The following PLEKHD1 variants were observed in gnomAD, a reference collection of about 807,000 sequenced individuals.
The protein encoded by PLEKHD1 is pleckstrin homology and coiled-coil domain containing D1, also known as pleckstrin homology domain-containing family D member 1.
A neutral mutation model predicts 69.2 loss-of-function variants in PLEKHD1; 51 were observed. That is an observed-to-expected ratio of 0.74 (90% confidence interval 0.59 to 0.93). The LOEUF is 0.93. Ranked by LOEUF, PLEKHD1 falls within the 40% of genes least tolerant of loss-of-function variation. The probability of loss-of-function intolerance (pLI) is 0.00; values close to 1 mark genes in which losing one functional copy is unlikely to be tolerated. For synonymous variants in PLEKHD1, 236 were observed against 244.7 expected (o/e 0.96, Z 0.33); for missense variants, 584 against 641.0 (o/e 0.91, Z 0.96).
Position 69,484,811 on chromosome 14 carries a change from C to A in PLEKHD1, c.-155C>A. The A allele has an allele frequency of 1.2e-6, 1 of 865,864 alleles. No homozygotes were observed. The highest frequency in any genetic ancestry group is 1.7e-6 in the Non-Finnish European group (1 of 582,448). 53.6% of individuals were successfully genotyped at this position (865,864 alleles called of 1,614,324 possible). ...GCCCCCTTGGTGCCGCGTCCAGTGC[C>A]CAGCGCGCTTTGATGCTGCAGCTCC... is the stretch of plus-strand genomic sequence containing the variant. On this transcript the variant is annotated 5_prime_UTR_variant, in exon 1 of 13. Transcript: ENST00000322564.
At chr14:69,523,355 C>T (rs539179667) in intron 7 of PLEKHD1, among the ~76,000 whole-genome samples, 2 of 152,296 alleles carry the variant, frequency 1.3e-5, no homozygotes, top group East Asian at 1.9e-4. Context: ...ATTATCATCA[C>T]CACACATGAT....
At chr14:69,498,653 CTTCTCTTCTT>C (rs1314391342) in intron 1 of PLEKHD1, among the ~76,000 whole-genome samples, 2,063 of 138,406 alleles carry the variant, frequency 0.015, 19 homozygotes, top group African/African-American at 0.027. Flanking sequence ...CTTCTCTTCT[CTTCTCTTCTT>C]TGAGATGGAG....
chr14:69,516,801 C>T (rs955210599), intron 6 of PLEKHD1, among the ~76,000 whole-genome samples: 52 of 152,184 alleles, frequency 3.4e-4, no homozygotes, highest in Admixed American at 3.4e-3. Context: ...TTCCAAGTAG[C>T]TGAGACCACA....
In PLEKHD1 at chr14:69,528,485, G is replaced by A. The variant is rs529359621; in HGVS notation, c.*66G>A. On this transcript the variant is annotated 3_prime_UTR_variant, in exon 13 of 13. Coordinates refer to ENST00000322564, the MANE Select transcript of PLEKHD1 (RefSeq NM_001161498.2). ...GCGGGGGAGGGGAAGGGGTGGCAGA[G>A]GGAGGCCTCACTCTACCAGCTCCTG... is the stretch of plus-strand genomic sequence containing the variant. The A allele has an allele frequency of 1.0e-4, 156 of 1,506,720 alleles. No individual in the cohort carries two copies. Among genetic ancestry groups the A allele is most frequent in the African/African-American group, 8.8e-4 (64 of 72,466 alleles). The allele number at this position is 1,506,720 out of a possible 1,614,324, so 93.3% of individuals were successfully genotyped here.
rs559402242 is a variant in PLEKHD1 at position 69,523,019 on chromosome 14, G to A, written c.650+642G>A. On this transcript the variant is annotated intron_variant, in intron 7 of 12. Coordinates refer to ENST00000322564, the MANE Select transcript of PLEKHD1 (RefSeq NM_001161498.2). Reference sequence around the variant, plus strand: ...CACGATCTCGGCTCACTGCAGCCCCGCCTCCTGGGTTCAAGTGATTCTTGT... The same window carrying A: ...CACGATCTCGGCTCACTGCAGCCCCACCTCCTGGGTTCAAGTGATTCTTGT... 7.2e-5 allele frequency among the ~76,000 whole-genome samples: 11 copies of A among 152,120 alleles called. No individual in the cohort carries two copies. The South Asian group carries it at 1.0e-3, about 14-fold the overall frequency.
chr14:69,506,366 T>C (rs898867964), intron 6 of PLEKHD1, among the ~76,000 whole-genome samples: 1 of 152,162 alleles, frequency 6.6e-6, no homozygotes, highest in Non-Finnish European at 1.5e-5. Flanking sequence ...CAGTCTATAA[T>C]GGGGCTGCTA....
intron 6 of PLEKHD1, among the ~76,000 whole-genome samples, chr14:69,512,934 A>G (rs1207410787): frequency 2.6e-5 from 4 of 151,948 alleles, no homozygotes; most frequent in Non-Finnish European, 5.9e-5. Flanking sequence ...AAGAAAAAAG[A>G]AAAAAATTCA....
At chr14:69,507,092 G>A (rs1015031533) in intron 6 of PLEKHD1, among the ~76,000 whole-genome samples, 4 of 151,840 alleles carry the variant, frequency 2.6e-5, no homozygotes, top group Admixed American at 6.6e-5. Context: ...GGGCTTCACC[G>A]TGTTAGCCAG....
At chr14:69,488,865 G>T (rs1164078034) in intron 1 of PLEKHD1, among the ~76,000 whole-genome samples, 2 of 152,180 alleles carry the variant, frequency 1.3e-5, no homozygotes, top group Admixed American at 1.3e-4. Flanking sequence ...GCAGGGGGAA[G>T]GTGCCTTTTC....
chr14:69,490,406 C>T (rs1283180688), intron 1 of PLEKHD1, among the ~76,000 whole-genome samples: 1 of 152,216 alleles, frequency 6.6e-6, no homozygotes, highest in Non-Finnish European at 1.5e-5. Flanking sequence ...GTAATGCCAG[C>T]CACGGGGAGA....
chr14:69,490,323 A>G (rs893666648), intron 1 of PLEKHD1, among the ~76,000 whole-genome samples: 1 of 152,302 alleles, frequency 6.6e-6, no homozygotes, highest in African/African-American at 2.4e-5. Context: ...GCCATGCACA[A>G]TTTACAAAAG....
At chr14:69,490,027 C>A (rs544519720) in intron 1 of PLEKHD1, among the ~76,000 whole-genome samples, 1 of 152,046 alleles carries the variant, frequency 6.6e-6, no homozygotes, top group Non-Finnish European at 1.5e-5. Context: ...CCACCATGCC[C>A]GGCTAATTTT....
the PLEKHD1 span, among the ~76,000 whole-genome samples, chr14:69,472,859 A>G: frequency 6.6e-6 from 1 of 152,174 alleles, no homozygotes; most frequent in Non-Finnish European, 1.5e-5. Context: ...GCAGGAGGTG[A>G]GCGGCAGGTG....
chr14:69,506,128 G>A lies in PLEKHD1; in HGVS notation c.555+3249G>A, dbSNP rs1264793230. 2.6e-5 allele frequency among the ~76,000 whole-genome samples: 4 copies of A among 152,224 alleles called. No individual in the cohort carries two copies. In the East Asian group the frequency reaches 5.8e-4, roughly 22 times the overall value. ...CTGAAGCTCTTTGTCAACCTTTTTG[G>A]TGGACATTGTTCCTGGTTCTGTGAC... On this transcript the variant is annotated intron_variant, in intron 6 of 12. Transcript: ENST00000322564.
intron 6 of PLEKHD1, among the ~76,000 whole-genome samples, chr14:69,516,175 C>T (rs2139521910): frequency 6.6e-6 from 1 of 152,342 alleles, no homozygotes; most frequent in Middle Eastern, 3.4e-3. Flanking sequence ...AAATTCCTTA[C>T]ATGCTGAACT....
Position 69,528,369 on chromosome 14 carries a change from A to T in PLEKHD1, c.1471A>T (p.Met491Leu), listed in dbSNP as rs1339747903. 2 of 1,551,426 alleles carry T rather than the reference A, an allele frequency of 1.3e-6. No individual in the cohort carries two copies. The highest frequency in any genetic ancestry group is 2.7e-5 in the African/African-American group (2 of 73,036). ...QRFRESIYHI[M>L]ATQPGAPSAL... Reference sequence around the variant, plus strand: ...CTTCCGGGAATCCATCTACCACATCATGGCCACCCAGCCTGGAGCCCCCTC... The same window carrying T: ...CTTCCGGGAATCCATCTACCACATCTTGGCCACCCAGCCTGGAGCCCCCTC... Residue 491 changes from methionine to leucine, a missense_variant, in exon 13 of 13, where the codon ATG becomes TTG. Met to Leu is a conservative substitution (Grantham distance 15). Transcript: ENST00000322564.
At chr14:69,482,610 C>G (rs1204641325), upstream of PLEKHD1, among the ~76,000 whole-genome samples, 1 of 152,216 alleles carries the variant, frequency 6.6e-6, no homozygotes, top group East Asian at 1.9e-4. Flanking sequence ...CAGGAGCACA[C>G]AGCTGTCACC....
chr14:69,515,557 C>T (rs1227110044), intron 6 of PLEKHD1, among the ~76,000 whole-genome samples: 2 of 152,192 alleles, frequency 1.3e-5, no homozygotes, highest in African/African-American at 4.8e-5. Context: ...TTGATTGGCT[C>T]ATGGTTCTGC....
chr14:69,517,489 T>C (rs1482426533), intron 6 of PLEKHD1, among the ~76,000 whole-genome samples: 1 of 152,006 alleles, frequency 6.6e-6, no homozygotes, highest in African/African-American at 2.4e-5. Flanking sequence ...GTAGGAGTGG[T>C]CTAGATTGCC....
Sources: allele counts gnomAD v4.1 joint callset (sites outside exome capture counted in the v4.1 genomes callset), GRCh38; gene constraint gnomAD v4.1.1; transcripts MANE v1.5; gene names NCBI Gene and HGNC (gene_info 2026-07-23, HGNC 2026-07-21).